UBE2F: variants seen among roughly 807,000 people sequenced by gnomAD.
UBE2F encodes the protein ubiquitin conjugating enzyme E2 F (putative), also known as NEDD8-conjugating enzyme UBE2F.
Under a neutral mutation model 29.6 loss-of-function variants are expected in UBE2F, and 5 were observed. The observed-to-expected ratio is 0.17, with a 90% CI of 0.09 to 0.36. UBE2F has a LOEUF of 0.36. Ranked by LOEUF, UBE2F falls within the 10% of genes least tolerant of loss-of-function variation. The pLI, the probability that UBE2F is intolerant of heterozygous loss-of-function variation, is 1.00. For missense variants in UBE2F, 141 were observed against 228.5 expected (o/e 0.62, Z 2.47); for synonymous variants, 66 against 81.8 (o/e 0.81, Z 1.04).
intron 1 of UBE2F, among the ~76,000 whole-genome samples, chr2:237,970,004 A>G (rs1201547914): frequency 6.6e-6 from 1 of 152,172 alleles, no homozygotes; most frequent in East Asian, 1.9e-4. Flanking sequence ...CGTAATTGAA[A>G]TACACTAAAT....
chr2:238,036,865 C>T (rs919924339), intron 9 of UBE2F, among the ~76,000 whole-genome samples: 33 of 152,084 alleles, frequency 2.2e-4, no homozygotes, highest in Non-Finnish European at 2.6e-4. Flanking sequence ...GGAGAATGGA[C>T]GGTGTCACAC....
intron 2 of UBE2F, among the ~76,000 whole-genome samples, chr2:237,981,902 T>C (rs1432435605): frequency 2.6e-5 from 4 of 152,070 alleles, no homozygotes; most frequent in Admixed American, 6.5e-5. Context: ...GCTGGAATTA[T>C]AGGCATGAGC....
chr2:238,005,615 TCTATCTC>T (rs1273052611), intron 4 of UBE2F, among the ~76,000 whole-genome samples: 1 of 151,656 alleles, frequency 6.6e-6, no homozygotes, highest in Non-Finnish European at 1.5e-5. Context: ...GTTTTTTTTT[TCTATCTC>T]TTTTTTGCAT....
At chr2:237,973,661 G>A (rs781367301) in intron 2 of UBE2F, 27 of 1,302,776 alleles carry the variant, frequency 2.1e-5, no homozygotes, top group South Asian at 4.9e-5. Flanking sequence ...CAAAGCCTAC[G>A]GCGAATCTTG....
intron 4 of UBE2F, among the ~76,000 whole-genome samples, chr2:238,016,089 C>G (rs565264516): frequency 6.6e-6 from 1 of 152,260 alleles, no homozygotes; most frequent in Admixed American, 6.5e-5. Context: ...CTGCTGTGTC[C>G]CCAAGGCCTA....
At chr2:238,030,651 C>T (rs202009875) in intron 7 of UBE2F, 38 bp downstream of exon 7, 2 of 1,532,316 alleles carry the variant, frequency 1.3e-6, no homozygotes, top group East Asian at 2.3e-5. Flanking sequence ...TAAGTTGTCC[C>T]TGTGGTCCTC....
At chr2:238,029,474 A>G (rs2064519336) in intron 6 of UBE2F, among the ~76,000 whole-genome samples, 2 of 152,026 alleles carry the variant, frequency 1.3e-5, no homozygotes, top group South Asian at 4.1e-4. Context: ...CATGCCTTGT[A>G]GTCCCAGCTA....
At chr2:237,997,050 C>T (rs1272118324) in intron 4 of UBE2F, among the ~76,000 whole-genome samples, 1 of 151,892 alleles carries the variant, frequency 6.6e-6, no homozygotes, top group Non-Finnish European at 1.5e-5. Flanking sequence ...AGTGAAACCT[C>T]GTTTCTACTA....
chr2:238,041,252 G>T, intron 9 of UBE2F, 36 bp from the exon 10 acceptor site: 1 of 1,607,874 alleles, frequency 6.2e-7, no homozygotes, highest in East Asian at 2.2e-5. Flanking sequence ...CACTCCTCCT[G>T]TTCTTCTTTC....
chr2:238,027,412 C>T (rs1576635700), intron 6 of UBE2F, among the ~76,000 whole-genome samples: 2 of 152,142 alleles, frequency 1.3e-5, no homozygotes, highest in Non-Finnish European at 2.9e-5. Context: ...TCATCAGTAA[C>T]CAGAGAAAGG....
intron 4 of UBE2F, among the ~76,000 whole-genome samples, chr2:237,995,849 T>C (rs76530083): frequency 0.021 from 3,275 of 152,326 alleles, 122 homozygotes; most frequent in African/African-American, 0.075. Flanking sequence ...AGTCTGATAC[T>C]GATTCTTCTA....
intron 6 of UBE2F, 26 bp downstream of exon 6, chr2:238,025,438 C>G (rs1331818756): frequency 1.3e-6 from 2 of 1,595,884 alleles, no homozygotes; most frequent in East Asian, 2.2e-5. Context: ...TTTCTTTCTT[C>G]TACATTCGTG....
intron 4 of UBE2F, among the ~76,000 whole-genome samples, chr2:238,002,805 T>A (rs901244371): frequency 6.6e-6 from 1 of 151,566 alleles, no homozygotes; most frequent in African/African-American, 2.4e-5. Flanking sequence ...TTATTTTTTT[T>A]ATTTTTAGTA....
At chr2:238,010,965 G>C (rs2064010917) in intron 4 of UBE2F, among the ~76,000 whole-genome samples, 1 of 152,076 alleles carries the variant, frequency 6.6e-6, no homozygotes, top group South Asian at 2.1e-4. Context: ...CTCCCTCCGT[G>C]CCTAATCTGT....
rs982958823 is a variant in UBE2F at position 237,973,327 on chromosome 2, A to G, written c.118+102A>G. The G allele has an allele frequency of 1.1e-5, 14 of 1,307,948 alleles. No individual in the cohort carries two copies. The African/African-American group carries it at 2.1e-4, about 19-fold the overall frequency. The allele number at this position is 1,307,948 out of a possible 1,614,324, so 81.0% of individuals were successfully genotyped here. A position where few individuals can be genotyped will look rare whatever the true frequency, so the allele number is the denominator to read the frequency against. ...AAGCAACCTACTGCTGAATAGAAAT[A>G]CCTGTTTAAAAGATTTTAAAATATA... On this transcript the variant is annotated intron_variant, in intron 2 of 9. Transcript: ENST00000272930.
intron 4 of UBE2F, among the ~76,000 whole-genome samples, chr2:238,010,794 G>A (rs553720969): frequency 1.2e-4 from 19 of 152,224 alleles, no homozygotes; most frequent in African/African-American, 4.1e-4. Context: ...TCTGTCAGCT[G>A]CCCACTCAAC....
At chr2:237,973,813 T>G in intron 2 of UBE2F, 1 of 593,966 alleles carries the variant, frequency 1.7e-6, no homozygotes, top group Non-Finnish European at 2.3e-6. Flanking sequence ...TGCATGCAGA[T>G]ATGCATTCAT....
intron 6 of UBE2F, 75 bp from the exon 7 acceptor site, chr2:238,030,481 C>A: frequency 9.8e-7 from 1 of 1,021,826 alleles, no homozygotes; most frequent in Non-Finnish European, 1.5e-6. Flanking sequence ...TGGCACACAC[C>A]GAGAGGACTA....
At chr2:238,020,965 G>A (rs1300398722) in intron 5 of UBE2F, among the ~76,000 whole-genome samples, 1 of 152,202 alleles carries the variant, frequency 6.6e-6, no homozygotes, top group African/African-American at 2.4e-5. Flanking sequence ...TGGTGGGGAC[G>A]CCCAGAGGAG....
Sources: allele counts gnomAD v4.1 joint callset (sites outside exome capture counted in the v4.1 genomes callset), GRCh38; gene constraint gnomAD v4.1.1; transcripts MANE v1.5; gene names NCBI Gene and HGNC (gene_info 2026-07-23, HGNC 2026-07-21).